MSRA: variants seen among roughly 807,000 people sequenced by gnomAD.
MSRA encodes mitochondrial peptide methionine sulfoxide reductase.
MSRA carries 54 observed loss-of-function variants against 31.3 expected under a neutral mutation model. The observed-to-expected ratio is 1.73, with a 90% CI of 1.39 to 2.17. The LOEUF is 2.17. Among genes scored for constraint, MSRA ranks in the 30% most tolerant of loss-of-function variants. MSRA has a pLI of 0.00. For synonymous variants in MSRA, 169 were observed against 116.5 expected, an observed-to-expected ratio of 1.45 and a Z score of -2.90; for missense variants, 507 against 300.9, an observed-to-expected ratio of 1.69 and a Z score of -5.07.
chr8:10,392,373 G>T (rs1204970283), intron 5 of MSRA, among the ~76,000 whole-genome samples: 1 of 152,192 alleles, frequency 6.6e-6, no homozygotes, highest in Non-Finnish European at 1.5e-5. Context: ...GTTCAGTCCA[G>T]GAGAGGGAAG....
At chr8:10,322,843 G>A (rs937629883) in intron 5 of MSRA, among the ~76,000 whole-genome samples, 1 of 152,176 alleles carries the variant, frequency 6.6e-6, no homozygotes, top group East Asian at 1.9e-4. Flanking sequence ...TCTAATCCCA[G>A]CACTTTGGGA....
At chr8:10,360,176 C>T (rs909143370) in intron 5 of MSRA, among the ~76,000 whole-genome samples, 3 of 152,168 alleles carry the variant, frequency 2.0e-5, no homozygotes, top group Non-Finnish European at 2.9e-5. Context: ...AAGCTGCTCT[C>T]AGTGTTAGCC....
At chr8:10,064,283 G>C (rs1035557899) in intron 1 of MSRA, among the ~76,000 whole-genome samples, 1 of 152,124 alleles carries the variant, frequency 6.6e-6, no homozygotes, top group African/African-American at 2.4e-5. Flanking sequence ...CCAGAGACCT[G>C]CGTGTCCTCT....
intron 3 of MSRA, among the ~76,000 whole-genome samples, chr8:10,272,478 T>C (rs139311329): frequency 6.6e-4 from 101 of 152,350 alleles, no homozygotes; most frequent in African/African-American, 2.3e-3. Context: ...TCAAGTGTTT[T>C]GTTCTATTCA....
At chr8:10,269,548 G>A (rs1798921708) in intron 3 of MSRA, among the ~76,000 whole-genome samples, 1 of 152,258 alleles carries the variant, frequency 6.6e-6, no homozygotes, top group Admixed American at 6.5e-5. Context: ...AGCCGGCAGG[G>A]CAGAGTGTCA....
chr8:10,248,079 G>T (rs1797718559), intron 3 of MSRA, among the ~76,000 whole-genome samples: 1 of 152,082 alleles, frequency 6.6e-6, no homozygotes, highest in East Asian at 1.9e-4. Context: ...CTTAAGAGAA[G>T]GAAAATAAAC....
In MSRA at chr8:10,178,337, C is replaced by G. The variant is rs572825868; in HGVS notation, c.143-29496C>G. 1.8e-4 allele frequency among the ~76,000 whole-genome samples: 28 copies of G among 152,188 alleles called. No individual in the cohort carries two copies. The South Asian group carries it at 5.6e-3, about 30-fold the overall frequency. On this transcript the variant is annotated intron_variant, in intron 1 of 5. Transcript: ENST00000317173. ...GGACACGGTGGCTCATGTGTGTAAT[C>G]TCAGCACTTCGGGAGGCCTAGGAGG...
intron 5 of MSRA, among the ~76,000 whole-genome samples, chr8:10,402,611 G>T (rs1234877620): frequency 6.6e-6 from 1 of 152,216 alleles, no homozygotes; most frequent in East Asian, 1.9e-4. Flanking sequence ...GCTAGCTCGG[G>T]GAGAGGGATA....
At chr8:10,206,241 C>T (rs959874181) in intron 1 of MSRA, among the ~76,000 whole-genome samples, 5 of 152,110 alleles carry the variant, frequency 3.3e-5, no homozygotes, top group Non-Finnish European at 5.9e-5. Context: ...AACCAGTGGT[C>T]CTAACCAGAT....
intron 5 of MSRA, among the ~76,000 whole-genome samples, chr8:10,404,941 G>T (rs1807708824): frequency 6.6e-6 from 1 of 152,186 alleles, no homozygotes; most frequent in African/African-American, 2.4e-5. Flanking sequence ...CTTTGGGCTT[G>T]GCCTGGACAG....
At chr8:10,347,887 T>G (rs1345089842) in intron 5 of MSRA, among the ~76,000 whole-genome samples, 1 of 152,190 alleles carries the variant, frequency 6.6e-6, no homozygotes, top group African/African-American at 2.4e-5. Flanking sequence ...TTCCCTTGTC[T>G]CCAGTGGCAG....
At chr8:10,350,940 G>A (rs1157020303) in intron 5 of MSRA, among the ~76,000 whole-genome samples, 1 of 152,168 alleles carries the variant, frequency 6.6e-6, no homozygotes, top group Non-Finnish European at 1.5e-5. Context: ...CCTGCCTGTG[G>A]CATTTCTTAA....
chr8:10,078,933 T>C (rs1798138003), intron 1 of MSRA, among the ~76,000 whole-genome samples: 1 of 152,232 alleles, frequency 6.6e-6, no homozygotes, highest in Non-Finnish European at 1.5e-5. Flanking sequence ...TTGGAGCCAG[T>C]GGTCCCTCGC....
chr8:10,270,796 C>T (rs182818936), intron 3 of MSRA, among the ~76,000 whole-genome samples: 12 of 152,294 alleles, frequency 7.9e-5, no homozygotes, highest in East Asian at 1.9e-4. Context: ...CCAAGATCTT[C>T]GGGCTTTTCT....
At chr8:10,353,226 C>G (rs891112331) in intron 5 of MSRA, among the ~76,000 whole-genome samples, 1 of 152,196 alleles carries the variant, frequency 6.6e-6, no homozygotes, top group Non-Finnish European at 1.5e-5. Context: ...GGAGAACTGC[C>G]TTCTGCAAAT....
intron 2 of MSRA, among the ~76,000 whole-genome samples, chr8:10,238,403 T>C (rs1301259807): frequency 6.6e-6 from 1 of 152,248 alleles, no homozygotes; most frequent in Non-Finnish European, 1.5e-5. Flanking sequence ...TTTGGTGTTT[T>C]TAATCTTTTT....
intron 5 of MSRA, among the ~76,000 whole-genome samples, chr8:10,350,640 C>A (rs2129157889): frequency 6.6e-6 from 1 of 152,368 alleles, no homozygotes; most frequent in South Asian, 2.1e-4. Flanking sequence ...GCAGAGTCAG[C>A]TTTGCCGGGC....
intron 5 of MSRA, among the ~76,000 whole-genome samples, chr8:10,361,744 C>T (rs909338233): frequency 6.6e-6 from 1 of 152,120 alleles, no homozygotes; most frequent in African/African-American, 2.4e-5. Context: ...AAGGAGGCAC[C>T]TACTTAAAGT....
chr8:10,310,788 T>C (rs1381886264), intron 4 of MSRA, among the ~76,000 whole-genome samples: 3 of 152,204 alleles, frequency 2.0e-5, no homozygotes, highest in African/African-American at 7.2e-5. Flanking sequence ...GGGTAGCACA[T>C]GGCCCCACAG....
Sources: allele counts gnomAD v4.1 joint callset (sites outside exome capture counted in the v4.1 genomes callset), GRCh38; gene constraint gnomAD v4.1.1; transcripts MANE v1.5; gene names NCBI Gene and HGNC (gene_info 2026-07-23, HGNC 2026-07-21).